BMPER: variants seen among roughly 807,000 people sequenced by gnomAD.
BMPER encodes BMP-binding endothelial regulator protein.
In BMPER, 45 loss-of-function variants were observed where a neutral mutation model predicts 87.3. The observed-to-expected ratio is 0.52, with a 90% CI of 0.41 to 0.66. BMPER has a LOEUF of 0.66. Ranked by LOEUF, BMPER falls within the 30% of genes least tolerant of loss-of-function variation. The pLI, the probability that BMPER is intolerant of heterozygous loss-of-function variation, is 0.00. For synonymous variants in BMPER, 326 were observed against 316.2 expected, an observed-to-expected ratio of 1.03 and a Z score of -0.33; for missense variants, 784 against 867.5, an observed-to-expected ratio of 0.90 and a Z score of 1.21.
chr7:33,937,383 G>A lies in BMPER; in HGVS notation c.314G>A (p.Cys105Tyr). The part of the protein sequence containing the change: ...IKQRGACCEQ[C>Y]KGCTYEGNTY... ...CAGAGGGGAGCCTGTTGTGAACAGT[G>A]CAAAGGTGATTGATGTCTTGGCCGT... The change falls in exon 3 of 15, where the codon TGC becomes TAC. Residue 105 changes from cysteine to tyrosine, a missense_variant. Coordinates refer to ENST00000649409, the MANE Select transcript of BMPER (RefSeq NM_001365308.1). 1 of 1,613,988 alleles carries A rather than the reference G, an allele frequency of 6.2e-7. No individual in the cohort carries two copies. Among genetic ancestry groups the A allele is most frequent in the East Asian group, 2.2e-5 (1 of 44,876 alleles).
intron 3 of BMPER, among the ~76,000 whole-genome samples, chr7:33,945,925 G>A (rs1585665473): frequency 6.6e-6 from 1 of 152,130 alleles, no homozygotes; most frequent in African/African-American, 2.4e-5. Context: ...GCTTCATTAA[G>A]GGGACACAGA....
At chr7:34,051,764 A>G (rs1245701133) in intron 7 of BMPER, 97 bp from the exon 8 acceptor site, 4 of 1,076,228 alleles carry the variant, frequency 3.7e-6, no homozygotes, top group Non-Finnish European at 4.3e-6. Flanking sequence ...ACGTGGTCTT[A>G]TAAGAATGTA....
At chr7:34,034,134 C>G (rs1474015388) in intron 6 of BMPER, among the ~76,000 whole-genome samples, 1 of 152,122 alleles carries the variant, frequency 6.6e-6, no homozygotes. Context: ...TCCCTTCTGG[C>G]GTCTCAGCAT....
intron 2 of BMPER, among the ~76,000 whole-genome samples, chr7:33,926,720 A>C (rs1457969897): frequency 6.6e-6 from 1 of 152,216 alleles, no homozygotes; most frequent in Non-Finnish European, 1.5e-5. Context: ...GCCTTGGTGA[A>C]TGAGTCAGAC....
At chr7:34,131,085 C>G (rs1170285993) in intron 13 of BMPER, among the ~76,000 whole-genome samples, 2 of 152,108 alleles carry the variant, frequency 1.3e-5, no homozygotes, top group Non-Finnish European at 2.9e-5. Context: ...TGAGGGTGCT[C>G]TCATTCTAGC....
chr7:33,960,094 A>G (rs1204873442), intron 3 of BMPER, among the ~76,000 whole-genome samples: 1 of 152,248 alleles, frequency 6.6e-6, no homozygotes, highest in South Asian at 2.1e-4. Flanking sequence ...GCGAAGCTAA[A>G]AAAGCAATGA....
intron 10 of BMPER, 33 bp downstream of exon 10, chr7:34,058,196 G>A: frequency 6.3e-7 from 1 of 1,589,496 alleles, no homozygotes; most frequent in Non-Finnish European, 8.6e-7. Flanking sequence ...CTTTACCTTA[G>A]CGTCTTGAGA....
At chr7:34,086,625 A>G (rs1050837897) in intron 13 of BMPER, among the ~76,000 whole-genome samples, 1 of 152,220 alleles carries the variant, frequency 6.6e-6, no homozygotes, top group Non-Finnish European at 1.5e-5. Flanking sequence ...GCCAACTGTG[A>G]GACTTCACGT....
At chr7:34,129,620 G>A (rs1322977896) in intron 13 of BMPER, among the ~76,000 whole-genome samples, 226 of 123,590 alleles carry the variant, frequency 1.8e-3, no homozygotes, top group African/African-American at 6.6e-3. Flanking sequence ...AAGAGAGAGA[G>A]AGAGAAAGAG....
At chr7:33,962,571 A>G (rs975167680) in intron 3 of BMPER, among the ~76,000 whole-genome samples, 6 of 152,186 alleles carry the variant, frequency 3.9e-5, no homozygotes, top group Non-Finnish European at 7.3e-5. Context: ...TGATAACCCA[A>G]GATGTCTCCT....
At chr7:33,966,093 T>G (rs1785399958) in intron 3 of BMPER, among the ~76,000 whole-genome samples, 1 of 152,226 alleles carries the variant, frequency 6.6e-6, no homozygotes, top group African/African-American at 2.4e-5. Flanking sequence ...TAAGCTTCAC[T>G]TTTGATCTTG....
rs1217783738 is a variant in BMPER at position 33,970,392 on chromosome 7, C to G, written c.466C>G (p.Leu156Val). ...TCATTGTAAAAACCCTTTGGAGCAT[C>G]TGGGAATGTGCTGCCCCACATGTCC... Reference protein sequence around the residue: ...VVHCKNPLEHLGMCCPTCPGC... With the variant: ...VVHCKNPLEHVGMCCPTCPGC... The change falls in exon 5 of 15, where the codon CTG (leucine) becomes GTG (valine). Residue 156 changes from leucine (L) to valine (V), a missense_variant. Transcript: ENST00000649409. 1 of 1,614,050 alleles carries G rather than the reference C, an allele frequency of 6.2e-7. No individual in the cohort carries two copies. Among genetic ancestry groups the G allele is most frequent in the Non-Finnish European group, 8.5e-7 (1 of 1,180,022 alleles).
At chr7:34,146,961 C>T (rs1399230815) in intron 14 of BMPER, among the ~76,000 whole-genome samples, 2 of 152,170 alleles carry the variant, frequency 1.3e-5, no homozygotes, top group Non-Finnish European at 1.5e-5. Flanking sequence ...GTGTTGTGAT[C>T]TTGTCTGCTG....
At chr7:34,143,669 T>G (rs1790937072) in intron 14 of BMPER, among the ~76,000 whole-genome samples, 1 of 152,202 alleles carries the variant, frequency 6.6e-6, no homozygotes, top group South Asian at 2.1e-4. Context: ...CGGTTATAGC[T>G]GTGGCTTAGG....
intron 6 of BMPER, among the ~76,000 whole-genome samples, chr7:34,009,224 AGTAAGATTAAC>A (rs1251484925): frequency 6.6e-6 from 1 of 151,972 alleles, no homozygotes; most frequent in African/African-American, 2.4e-5. Flanking sequence ...TTTTATTAAA[AGTAAGATTAAC>A]ATAGTAAGAC....
intron 6 of BMPER, among the ~76,000 whole-genome samples, chr7:34,002,605 A>G (rs754071034): frequency 1.3e-5 from 2 of 151,706 alleles, no homozygotes; most frequent in African/African-American, 2.4e-5. Flanking sequence ...TGTTCTATCT[A>G]TTATTGAAAG....
chr7:34,029,216 T>C (rs1361566675), intron 6 of BMPER, among the ~76,000 whole-genome samples: 1 of 152,092 alleles, frequency 6.6e-6, no homozygotes, highest in Admixed American at 6.6e-5. Context: ...AAATTGTTTG[T>C]GCATGTTGTG....
At chr7:34,015,576 T>A (rs769687448) in intron 6 of BMPER, among the ~76,000 whole-genome samples, 16 of 151,852 alleles carry the variant, frequency 1.1e-4, no homozygotes, top group African/African-American at 1.7e-4. Flanking sequence ...ATTGGTGAGA[T>A]GAAAAGAGCA....
chr7:33,945,304 G>A (rs531200651), intron 3 of BMPER, among the ~76,000 whole-genome samples: 1 of 135,004 alleles, frequency 7.4e-6, no homozygotes, highest in Admixed American at 8.4e-5. Flanking sequence ...AGGCTGTAGT[G>A]CAGTGGTGCA....
Sources: gnomAD v4.1 joint callset for allele counts (sites outside exome capture counted in the v4.1 genomes callset) on GRCh38, gnomAD v4.1.1 for gene constraint, MANE v1.5 for transcripts, NCBI Gene and HGNC (gene_info 2026-07-23, HGNC 2026-07-21) for gene names.